The following IARS2 variants were observed in gnomAD, a reference collection of about 807,000 sequenced individuals.
IARS2 encodes the protein isoleucine--tRNA ligase, mitochondrial.
In IARS2, 56 loss-of-function variants were observed where a neutral mutation model predicts 126.3. The observed-to-expected ratio is 0.44, with a 90% confidence interval of 0.36 to 0.55. The LOEUF (loss-of-function observed/expected upper bound fraction) is 0.55, where lower values mean the gene tolerates loss of function less well. Ranked by LOEUF, IARS2 falls within the 20% of genes least tolerant of loss-of-function variation. The pLI is 0.00. For missense variants in IARS2, 1,127 were observed against 1,245.9 expected, an observed-to-expected ratio of 0.90 and a Z score of 1.44; for synonymous variants, 407 against 441.1, an observed-to-expected ratio of 0.92 and a Z score of 0.97.
At chr1:220,097,194 A>G (rs900978760) in intron 2 of IARS2, among the ~76,000 whole-genome samples, 1 of 151,020 alleles carries the variant, frequency 6.6e-6, no homozygotes, top group Non-Finnish European at 1.5e-5. Flanking sequence ...GAGTCCAGAT[A>G]GTTTTAGCCA....
chr1:220,100,390 T>G (rs1217636568), intron 2 of IARS2, 100 bp from the exon 3 acceptor site: 2 of 1,008,066 alleles, frequency 2.0e-6, no homozygotes, highest in Non-Finnish European at 2.8e-6. Flanking sequence ...GGCCAAATAT[T>G]TTATGTATGA....
At chr1:220,108,856 CTTTTTTTTT>C (rs35836043) in intron 10 of IARS2, among the ~76,000 whole-genome samples, 142 of 68,246 alleles carry the variant, frequency 2.1e-3, no homozygotes, top group African/African-American at 8.5e-3. Context: ...TGTGAATCCT[CTTTTTTTTT>C]TTTTTTTTTT....
intron 18 of IARS2, among the ~76,000 whole-genome samples, chr1:220,139,706 G>T (rs1032962548): frequency 1.3e-5 from 2 of 152,032 alleles, no homozygotes; most frequent in African/African-American, 4.8e-5. Context: ...AGCTGTGATT[G>T]TGCCACTGCA....
rs1656673613 is a variant in IARS2, at chr1:220,106,054, G to C, written c.1230G>C (p.Leu410=). The change falls in exon 9 of 23, where the codon CTG becomes CTC. Residue 410 remains leucine (L), a synonymous_variant. Transcript: ENST00000366922. ...EDYGVASQHN[L]PMDCLVDEDG... is the part of the protein sequence containing the mutation. The stretch of plus-strand genomic sequence containing the variant: ...ACGGTGTAGCGTCTCAGCACAACCT[G>C]CCCATGGTACTGTTCCTCTTTTATC... The C allele has an allele frequency of 1.9e-6, 3 of 1,611,904 alleles. No homozygotes were observed. Among genetic ancestry groups the C allele is most frequent in the Non-Finnish European group, 2.5e-6 (3 of 1,178,460 alleles).
rs1459353001 is a variant in IARS2 at position 220,114,307 on chromosome 1, A to G, written c.1480-7A>G. 6.2e-7 allele frequency: 1 copy of G among 1,610,442 alleles called. No homozygotes were observed. The highest frequency in any genetic ancestry group is 8.5e-7 in the Non-Finnish European group (1 of 1,176,632). On this transcript the variant is annotated splice_polypyrimidine_tract_variant and splice_region_variant and intron_variant, in intron 11 of 22. Transcript: ENST00000366922. Reference sequence around the variant, plus strand: ...CTCACAAGACTTGATTTATGAATTAATTGCAGGAATTGTTAAAAAAGGTGA... The same window carrying G: ...CTCACAAGACTTGATTTATGAATTAGTTGCAGGAATTGTTAAAAAAGGTGA...
intron 2 of IARS2, among the ~76,000 whole-genome samples, chr1:220,100,196 C>T (rs900477272): frequency 3.9e-5 from 6 of 152,126 alleles, no homozygotes; most frequent in African/African-American, 1.4e-4. Flanking sequence ...CAGAGTTAAC[C>T]ACAATATTCC....
chr1:220,115,387 T>C (rs2004080), intron 12 of IARS2, among the ~76,000 whole-genome samples: 73,864 of 150,634 alleles, frequency 0.49, 19,824 homozygotes, highest in African/African-American at 0.71. Flanking sequence ...ATGGTGAAAC[T>C]CCATCTCTAC....
chr1:220,100,580 G>A lies in IARS2; in HGVS notation c.481G>A (p.Glu161Lys), dbSNP rs774396394. The change falls in exon 3 of 23, where the codon GAA becomes AAA. Residue 161 changes from glutamate to lysine, a missense_variant. Coordinates refer to ENST00000366922, the MANE Select transcript of IARS2 (RefSeq NM_018060.4). ...PGWDCHGLPI[E>K]IKVLSELGRE... ...CTGGGATTGTCATGGGTTGCCCATT[G>A]AAATAAAAGTATTATCAGAACTTGG... 4 of 1,613,180 alleles carry A rather than the reference G, an allele frequency of 2.5e-6. No individual in the cohort carries two copies. In the East Asian group the frequency reaches 8.9e-5, roughly 36 times the overall value.
intron 14 of IARS2, among the ~76,000 whole-genome samples, chr1:220,134,072 G>C (rs1254308614): frequency 6.6e-6 from 1 of 152,154 alleles, no homozygotes; most frequent in African/African-American, 2.4e-5. Flanking sequence ...TGCAGTACAG[G>C]TTTATTTTGT....
chr1:220,117,981 T>G (rs1273143005), intron 12 of IARS2: 2 of 470,150 alleles, frequency 4.3e-6, no homozygotes, highest in African/African-American at 2.0e-5. Flanking sequence ...TCCTCTTCCA[T>G]TATTGGATCT....
intron 21 of IARS2, chr1:220,144,153 T>C: frequency 2.5e-6 from 2 of 807,224 alleles, no homozygotes; most frequent in Non-Finnish European, 4.4e-6. Context: ...TTAGCCTGCC[T>C]GTGAGGTTCA....
In IARS2 at chr1:220,125,790, G is replaced by A. The variant is rs145710979; in HGVS notation, c.1743+451G>A. On this transcript the variant is annotated intron_variant, in intron 13 of 22. Transcript: ENST00000366922. The stretch of plus-strand genomic sequence containing the variant: ...TACACTGCAGCCTGGGTGACAGAGT[G>A]AGAGCCCATCCCTGCAAAACAAAGT... 3.3e-3 allele frequency among the ~76,000 whole-genome samples: 505 copies of A among 152,162 alleles called. 1 individual carries two copies. The highest frequency in any genetic ancestry group is 3.3e-3 in the Non-Finnish European group (222 of 68,016).
rs746084166 is a variant in IARS2 at position 220,125,277 on chromosome 1, G to T, written c.1681G>T (p.Gly561Cys). The T allele has an allele frequency of 2.5e-6, 4 of 1,613,686 alleles. No individual in the cohort carries two copies. The South Asian group carries it at 4.4e-5, about 18-fold the overall frequency. Residue 561 changes from glycine to cysteine, a missense_variant, in exon 13 of 23, where the codon GGC becomes TGC. Gly to Cys is a radical substitution (Grantham distance 159). Transcript: ENST00000366922. ...EHIVKLVEQHGSDIWWTLPPE... is the reference protein window; with the variant it reads ...EHIVKLVEQHCSDIWWTLPPE... ...TATTGTTAAACTAGTGGAACAACAC[G>T]GCAGTGATATCTGGTGGACTCTTCC...
At chr1:220,107,262 A>G (rs1656701745) in intron 10 of IARS2, 111 bp downstream of exon 10, 2 of 701,104 alleles carry the variant, frequency 2.9e-6, no homozygotes, top group Non-Finnish European at 5.0e-6. Context: ...AAAATAAATT[A>G]TGTCTTGTTT....
chr1:220,116,903 A>G (rs1353869751), intron 12 of IARS2, among the ~76,000 whole-genome samples: 6 of 150,186 alleles, frequency 4.0e-5, no homozygotes, highest in Admixed American at 6.6e-5. Flanking sequence ...CGCGCCACTG[A>G]CTTGGCTAAT....
intron 2 of IARS2, among the ~76,000 whole-genome samples, chr1:220,097,139 A>G (rs1656461748): frequency 6.6e-6 from 1 of 152,194 alleles, no homozygotes; most frequent in East Asian, 1.9e-4. Context: ...GCCAACATTA[A>G]CTGGATTAAG....
intron 10 of IARS2, among the ~76,000 whole-genome samples, chr1:220,109,241 A>G (rs1013600261): frequency 3.3e-5 from 5 of 152,134 alleles, no homozygotes; most frequent in Non-Finnish European, 7.4e-5. Flanking sequence ...TCTACTAAAA[A>G]TACAAAAAAT....
chr1:220,108,480 G>A (rs1656727475), intron 10 of IARS2, among the ~76,000 whole-genome samples: 1 of 151,832 alleles, frequency 6.6e-6, no homozygotes, highest in Non-Finnish European at 1.5e-5. Context: ...TCTGCCTCCT[G>A]GGTTCATGGG....
In IARS2 at chr1:220,108,531, G is replaced by A. The variant is rs551040170; in HGVS notation, c.1327+1380G>A. Among the ~76,000 whole-genome samples the A allele has an allele frequency of 6.8e-4, 103 of 151,382 alleles. 1 individual carries two copies. The highest frequency in any genetic ancestry group is 2.3e-3 in the African/African-American group (94 of 41,252). ...CTCTCGAGTAGCTGGGACTACAGGC[G>A]CCTGCCACCATGCCCAGCTAATTTT... On this transcript the variant is annotated intron_variant, in intron 10 of 22. Transcript: ENST00000366922.
Sources: gnomAD v4.1 joint callset for allele counts (sites outside exome capture counted in the v4.1 genomes callset) on GRCh38, gnomAD v4.1.1 for gene constraint, MANE v1.5 for transcripts, NCBI Gene and HGNC (gene_info 2026-07-23, HGNC 2026-07-21) for gene names.